The following LRTM1 variants were observed in gnomAD, a reference collection of about 807,000 sequenced individuals.
The protein encoded by LRTM1 is leucine rich repeat transmembrane protein 1.
Under a neutral mutation model 32.4 loss-of-function variants are expected in LRTM1, and 38 were observed. The ratio of observed to expected loss-of-function variants is 1.17; its 90% CI spans 0.91 to 1.54. The LOEUF is 1.54. LRTM1 is among the 40% of genes most tolerant of loss of function. LRTM1 has a pLI of 0.00. For synonymous variants in LRTM1, 186 were observed against 169.9 expected, an observed-to-expected ratio of 1.09 and a Z score of -0.74; for missense variants, 466 against 415.4, an observed-to-expected ratio of 1.12 and a Z score of -1.06.
intron 1 of LRTM1, among the ~76,000 whole-genome samples, chr3:54,965,796 A>G (rs747874033): frequency 8.5e-5 from 13 of 152,170 alleles, no homozygotes; most frequent in Admixed American, 3.9e-4. Context: ...TAGCAGAACA[A>G]TTGCAGCCAG....
intron 1 of LRTM1, among the ~76,000 whole-genome samples, chr3:54,962,601 T>C (rs1163037976): frequency 6.6e-6 from 1 of 152,166 alleles, no homozygotes; most frequent in Non-Finnish European, 1.5e-5. Context: ...ACTCTATTGG[T>C]GGAGACAGAG....
At position 54,944,235 on chromosome 3, in the gene LRTM1, T is replaced by C. The variant is rs540275342; in HGVS notation, c.-221-19020A>G. On this transcript the variant is annotated intron_variant, in intron 1 of 2. Coordinates refer to the LRTM1 transcript ENST00000493075. Reference sequence around the variant, plus strand: ...TTGTGCTGAGGACCTGCGAACTCTTTTGCTTTAGAAATGCATATCCTTCAG... The same window carrying C: ...TTGTGCTGAGGACCTGCGAACTCTTCTGCTTTAGAAATGCATATCCTTCAG... 4.9e-4 allele frequency among the ~76,000 whole-genome samples: 75 copies of C among 152,142 alleles called. 1 individual carries two copies. The highest frequency in any genetic ancestry group is 8.2e-4 in the Non-Finnish European group (56 of 68,032).
At position 54,924,831 on chromosome 3, in the gene LRTM1, G is replaced by T; in HGVS notation, c.392C>A (p.Ser131Ter). 6.2e-7 allele frequency: 1 copy of T among 1,614,024 alleles called. No homozygotes were observed. The highest frequency in any genetic ancestry group is 8.5e-7 in the Non-Finnish European group (1 of 1,179,958). The change falls in exon 2 of 3, where the codon TCA becomes TAA. Residue 131 changes from serine to a stop codon, truncating the protein, a stop_gained. Transcript: ENST00000273286. LOFTEE classifies it high-confidence loss of function. ...TGTGGGAAGGTGGCTTATGTTGTTT[G>T]ATGACAAATCAAGCTCCCTCAGCTG... Reference protein sequence around the residue: ...LPQLRELDLSSNNISHLPTSL... With the variant: ...LPQLRELDLS
intron 1 of LRTM1, among the ~76,000 whole-genome samples, chr3:54,966,177 A>G (rs546859090): frequency 7.8e-4 from 118 of 152,146 alleles, no homozygotes; most frequent in Non-Finnish European, 1.5e-3. Context: ...TGGAAGCTCA[A>G]GAGATGACAG....
rs151076261 is a variant in LRTM1, at chr3:54,919,294, A to G, written c.605-402T>C. On this transcript the variant is annotated intron_variant, in intron 2 of 2. Transcript: ENST00000273286. ...AAGAAAACTTTTGTACCAGATTCCC[A>G]TTGAAAATCTAAGGAAAAAATAAAA... Among the ~76,000 whole-genome samples, 425 of 152,348 alleles carry G rather than the reference A, an allele frequency of 2.8e-3. 2 individuals are homozygous for G. The highest frequency in any genetic ancestry group is 9.8e-3 in the African/African-American group (408 of 41,584).
intron 1 of LRTM1, among the ~76,000 whole-genome samples, chr3:54,957,091 A>T (rs1407431898): frequency 6.6e-6 from 1 of 152,168 alleles, no homozygotes; most frequent in Non-Finnish European, 1.5e-5. Context: ...CATAAATGGG[A>T]TTAATTATGA....
At chr3:54,965,959 T>G (rs540734767) in intron 1 of LRTM1, among the ~76,000 whole-genome samples, 2 of 151,994 alleles carry the variant, frequency 1.3e-5, no homozygotes, top group African/African-American at 2.4e-5. Flanking sequence ...GCATGATTAA[T>G]GGGATGGAGG....
intron 2 of LRTM1, 91 bp from the exon 3 acceptor site, chr3:54,918,983 T>G: frequency 9.7e-7 from 1 of 1,029,922 alleles, no homozygotes; most frequent in Non-Finnish European, 1.3e-6. Context: ...GCAGATGGAA[T>G]TTATGAAGTA....
intron 1 of LRTM1, among the ~76,000 whole-genome samples, chr3:54,950,017 T>G (rs1320327142): frequency 6.6e-6 from 1 of 152,206 alleles, no homozygotes; most frequent in African/African-American, 2.4e-5. Flanking sequence ...AGATTCGTCT[T>G]GAAGTCTACC....
intron 2 of LRTM1, among the ~76,000 whole-genome samples, chr3:54,920,379 T>A (rs1559629766): frequency 6.6e-6 from 1 of 151,994 alleles, no homozygotes; most frequent in Non-Finnish European, 1.5e-5. Flanking sequence ...CCATGTCCTT[T>A]TTGTTGCCAC....
At chr3:54,934,727 G>GT (rs928363621) in intron 1 of LRTM1, among the ~76,000 whole-genome samples, 5 of 151,962 alleles carry the variant, frequency 3.3e-5, no homozygotes, top group Non-Finnish European at 7.4e-5. Flanking sequence ...GTTTTGTTTT[G>GT]TTTTTTTGTG....
intron 2 of LRTM1, among the ~76,000 whole-genome samples, chr3:54,922,322 T>TG (rs1178629845): frequency 7.7e-6 from 1 of 129,816 alleles, no homozygotes; most frequent in African/African-American, 3.5e-5. Flanking sequence ...CCTGGGAACT[T>TG]TTTTTTTTTT....
At chr3:54,963,432 C>T (rs572272413) in intron 1 of LRTM1, among the ~76,000 whole-genome samples, 47 of 152,248 alleles carry the variant, frequency 3.1e-4, no homozygotes, top group African/African-American at 9.6e-4. Context: ...GGTCCAGTAC[C>T]GTAGCCTCTA....
chr3:54,918,363 G>GTTTTT lies in LRTM1; in HGVS notation c.*95_*96insAAAAA. On this transcript the variant is annotated 3_prime_UTR_variant, in exon 3 of 3. Coordinates refer to ENST00000273286, the MANE Select transcript of LRTM1 (RefSeq NM_020678.4). ...TTTTTTTTTTTTTTTTTTGTCTTTT[G>GTTTTT]GCAAAAGCAAAATCAGACTAACAGG... 1.6e-4 allele frequency: 34 copies of GTTTTT among 215,460 alleles called. No individual in the cohort carries two copies. Among genetic ancestry groups the GTTTTT allele is most frequent in the Non-Finnish European group, 2.4e-4 (32 of 134,916 alleles). The allele number at this position is 215,460 out of a possible 1,614,324, so 13.3% of individuals were successfully genotyped here. A position where few individuals can be genotyped will look rare whatever the true frequency, so the allele number is the denominator to read the frequency against.
intron 1 of LRTM1, among the ~76,000 whole-genome samples, chr3:54,957,286 A>G (rs1701923056): frequency 6.6e-6 from 1 of 151,884 alleles, no homozygotes; most frequent in Admixed American, 6.6e-5. Context: ...AACTTAGACT[A>G]TAGGTGTACG....
At chr3:54,951,544 T>C (rs568286441) in intron 1 of LRTM1, among the ~76,000 whole-genome samples, 3 of 152,292 alleles carry the variant, frequency 2.0e-5, no homozygotes, top group African/African-American at 7.2e-5. Context: ...CTCTACAGAC[T>C]TCCAGAACAG....
Position 54,928,005 on chromosome 3 carries a change from G to T in LRTM1, c.-94C>A, listed in dbSNP as rs181431638. ...AAGGGCATGGCAGACTCAGAGCCCAGCTTTACATTCAGTCTTTCTGAACCC... is the reference window on the plus strand; with the variant it reads ...AAGGGCATGGCAGACTCAGAGCCCATCTTTACATTCAGTCTTTCTGAACCC... On this transcript the variant is annotated 5_prime_UTR_variant, in exon 1 of 3. In the 5' UTR this introduces an upstream ATG that the reference lacks. Coordinates refer to ENST00000273286, the MANE Select transcript of LRTM1 (RefSeq NM_020678.4). 1.7e-6 allele frequency: 2 copies of T among 1,165,772 alleles called. No homozygotes were observed. Among genetic ancestry groups the T allele is most frequent in the East Asian group, 2.4e-5 (1 of 42,532 alleles). 72.2% of individuals were successfully genotyped at this position (1,165,772 alleles called of 1,614,324 possible). A position where few individuals can be genotyped will look rare whatever the true frequency, so the allele number is the denominator to read the frequency against.
Position 54,918,864 on chromosome 3 carries a change from T to C in LRTM1, c.633A>G (p.Glu211=). ...CCTTTCCCTTCCAGGTGTCTGGTGA[T>C]TCACAGATGATGCCGTCTGTTAGTC... The part of the protein sequence containing the change: ...KGGLTDGIIC[E]SPDTWKGKDL... Residue 211 remains glutamate (E), a synonymous_variant, in exon 3 of 3, where the codon GAA becomes GAG. Transcript: ENST00000273286. 1 of 1,558,494 alleles carries C rather than the reference T, an allele frequency of 6.4e-7. No homozygotes were observed. Among genetic ancestry groups the C allele is most frequent in the Non-Finnish European group, 8.7e-7 (1 of 1,150,706 alleles).
chr3:54,918,959 C>A, intron 2 of LRTM1, 67 bp from the exon 3 acceptor site: 1 of 1,334,958 alleles, frequency 7.5e-7, no homozygotes, highest in Non-Finnish European at 9.9e-7. Flanking sequence ...AATCCTCTGC[C>A]TGCAAAAACT....
Sources: allele counts gnomAD v4.1 joint callset (sites outside exome capture counted in the v4.1 genomes callset), GRCh38; gene constraint gnomAD v4.1.1; transcripts MANE v1.5; gene names NCBI Gene and HGNC (gene_info 2026-07-23, HGNC 2026-07-21).